Variants in ALCAM observed in about 807,000 individuals in gnomAD.
The protein encoded by ALCAM is CD166 antigen.
ALCAM carries 30 observed loss-of-function variants against 70.9 expected under a neutral mutation model. The observed-to-expected ratio is 0.42, with a 90% CI of 0.32 to 0.57. The LOEUF (loss-of-function observed/expected upper bound fraction) is 0.57, where lower values mean the gene tolerates loss of function less well. Ranked by LOEUF, ALCAM falls within the 20% of genes least tolerant of loss-of-function variation. The pLI is 0.11. For synonymous variants in ALCAM, 249 were observed against 242.5 expected (o/e 1.03, Z -0.25); for missense variants, 591 against 695.1 (o/e 0.85, Z 1.68).
chr3:105,395,032 A>G (rs1352220472), intron 1 of ALCAM, among the ~76,000 whole-genome samples: 1 of 151,964 alleles, frequency 6.6e-6, no homozygotes, highest in East Asian at 1.9e-4. Flanking sequence ...TAACTTTATA[A>G]CTGTAAGCAC....
At chr3:105,407,032 A>T (rs186284795) in intron 1 of ALCAM, among the ~76,000 whole-genome samples, 9 of 152,152 alleles carry the variant, frequency 5.9e-5, no homozygotes, top group Admixed American at 4.6e-4. Context: ...GAACAGACCA[A>T]TAACAAGCAA....
intron 1 of ALCAM, among the ~76,000 whole-genome samples, chr3:105,437,284 G>C (rs1317714725): frequency 1.3e-5 from 2 of 152,116 alleles, no homozygotes; most frequent in Non-Finnish European, 2.9e-5. Flanking sequence ...GCCTATAACA[G>C]AAATATCTAA....
At chr3:105,379,784 C>T (rs1239046541) in intron 1 of ALCAM, among the ~76,000 whole-genome samples, 3 of 151,548 alleles carry the variant, frequency 2.0e-5, no homozygotes, top group Non-Finnish European at 1.5e-5. Context: ...TATTAAAAAC[C>T]TATAATTTTA....
chr3:105,440,700 T>A (rs1349310593), intron 1 of ALCAM: 2 of 152,226 alleles, frequency 1.3e-5, no homozygotes, highest in Non-Finnish European at 2.9e-5. Context: ...TCAAGATGCC[T>A]TTATGTTAAC....
intron 1 of ALCAM, among the ~76,000 whole-genome samples, chr3:105,397,196 C>A (rs1195957391): frequency 6.6e-6 from 1 of 151,946 alleles, no homozygotes; most frequent in Non-Finnish European, 1.5e-5. Flanking sequence ...GCATTTGTTC[C>A]CTTATCTAAC....
At chr3:105,392,333 T>G (rs1375736180) in intron 1 of ALCAM, among the ~76,000 whole-genome samples, 1 of 151,996 alleles carries the variant, frequency 6.6e-6, no homozygotes, top group Non-Finnish European at 1.5e-5. Flanking sequence ...TTTCCTTTTC[T>G]TCTAGATTTT....
intron 1 of ALCAM, among the ~76,000 whole-genome samples, chr3:105,498,030 C>CA (rs769545606): frequency 0.024 from 2,503 of 103,012 alleles, 59 homozygotes; most frequent in African/African-American, 0.075. Context: ...GACTCTGCCT[C>CA]AAAAAAAAAA....
chr3:105,555,668 A>T (rs80167945), intron 14 of ALCAM, among the ~76,000 whole-genome samples: 2,389 of 152,110 alleles, frequency 0.016, 66 homozygotes, highest in African/African-American at 0.053. Flanking sequence ...TTAAGAGTAC[A>T]TTTGCTAATA....
At chr3:105,542,801 T>C (rs1940155603) in intron 8 of ALCAM, among the ~76,000 whole-genome samples, 1 of 151,758 alleles carries the variant, frequency 6.6e-6, no homozygotes, top group African/African-American at 2.4e-5. Flanking sequence ...TGTCTGATGT[T>C]GGGAGTGCTC....
rs180756267 is a variant in ALCAM, at chr3:105,419,200, A to T, written c.73+51719A>T. On this transcript the variant is annotated intron_variant, in intron 1 of 15. Coordinates refer to ENST00000306107, the MANE Select transcript of ALCAM (RefSeq NM_001627.4). Reference sequence around the variant, plus strand: ...TATAGTTTAAAGTTAGGTTCTCTTCATCTACTTCCTGAAACTCTACAGTGA... The same window carrying T: ...TATAGTTTAAAGTTAGGTTCTCTTCTTCTACTTCCTGAAACTCTACAGTGA... Among the ~76,000 whole-genome samples the T allele has an allele frequency of 6.6e-5, 10 of 151,762 alleles. No homozygotes were observed. The East Asian group carries it at 1.6e-3, about 24-fold the overall frequency.
chr3:105,543,897 C>T (rs758309242), intron 8 of ALCAM, among the ~76,000 whole-genome samples: 4 of 151,598 alleles, frequency 2.6e-5, no homozygotes, highest in African/African-American at 7.3e-5. Flanking sequence ...AAAGCATGCT[C>T]CTTCCCTTCA....
intron 8 of ALCAM, among the ~76,000 whole-genome samples, chr3:105,543,140 C>T (rs1474098448): frequency 1.3e-5 from 2 of 151,562 alleles, no homozygotes; most frequent in Non-Finnish European, 3.0e-5. Flanking sequence ...ATGCAAGGTA[C>T]ACAGGTCTCT....
chr3:105,502,465 G>A (rs534486471), intron 1 of ALCAM, among the ~76,000 whole-genome samples: 6 of 152,148 alleles, frequency 3.9e-5, no homozygotes, highest in African/African-American at 9.7e-5. Flanking sequence ...TCCCAGAGCC[G>A]GGGCATTTGA....
At chr3:105,381,940 T>A (rs551648655) in intron 1 of ALCAM, among the ~76,000 whole-genome samples, 10 of 151,404 alleles carry the variant, frequency 6.6e-5, no homozygotes, top group African/African-American at 2.4e-4. Context: ...TTTTTTCTTT[T>A]TTATTATTAT....
intron 1 of ALCAM, among the ~76,000 whole-genome samples, chr3:105,494,572 C>T (rs182990523): frequency 3.3e-5 from 5 of 152,112 alleles, no homozygotes; most frequent in African/African-American, 1.2e-4. Context: ...TGTCAGACAA[C>T]AATTCTTTCT....
chr3:105,371,128 A>G (rs1935218630), intron 1 of ALCAM, among the ~76,000 whole-genome samples: 1 of 152,166 alleles, frequency 6.6e-6, no homozygotes, highest in Non-Finnish European at 1.5e-5. Context: ...ATCTTTTTTA[A>G]TAGACATTCA....
intron 1 of ALCAM, among the ~76,000 whole-genome samples, chr3:105,415,372 A>G (rs1187697974): frequency 6.6e-6 from 1 of 152,172 alleles, no homozygotes; most frequent in East Asian, 1.9e-4. Context: ...AGCAAATAAA[A>G]GACATGCAAA....
intron 1 of ALCAM, among the ~76,000 whole-genome samples, chr3:105,500,253 T>C (rs1938883958): frequency 6.6e-6 from 1 of 152,164 alleles, no homozygotes; most frequent in South Asian, 2.1e-4. Flanking sequence ...ACTTTTCCTG[T>C]AAGCCTGCCT....
At chr3:105,439,842 C>A (rs1937132930) in intron 1 of ALCAM, among the ~76,000 whole-genome samples, 1 of 152,148 alleles carries the variant, frequency 6.6e-6, no homozygotes, top group South Asian at 2.1e-4. Context: ...TCTTGGAGTG[C>A]AAAATCCCTG....
Sources: allele counts gnomAD v4.1 joint callset (sites outside exome capture counted in the v4.1 genomes callset), GRCh38; gene constraint gnomAD v4.1.1; transcripts MANE v1.5; gene names NCBI Gene and HGNC (gene_info 2026-07-23, HGNC 2026-07-21).